Variants in TRPM3 observed in about 807,000 individuals in gnomAD.
The protein encoded by TRPM3 is long transient receptor potential channel 3.
Under a neutral mutation model 181.2 loss-of-function variants are expected in TRPM3, and 77 were observed. The observed-to-expected ratio is 0.42, with a 90% CI of 0.35 to 0.51. TRPM3 has a LOEUF of 0.51. Among genes scored for constraint, TRPM3 ranks in the 20% least tolerant of loss-of-function variants. The pLI, the probability that TRPM3 is intolerant of heterozygous loss-of-function variation, is 0.01. For synonymous variants in TRPM3, 745 were observed against 796.4 expected (o/e 0.94, Z 1.09); for missense variants, 1,759 against 2,196.7 (o/e 0.80, Z 3.98).
intron 14 of TRPM3, among the ~76,000 whole-genome samples, chr9:70,621,795 A>G (rs2063677793): frequency 6.6e-6 from 1 of 152,194 alleles, no homozygotes; most frequent in African/African-American, 2.4e-5. Context: ...AGAATTTTGG[A>G]TTCGGTGATT....
In TRPM3 at chr9:70,918,650, C is replaced by T. The variant is rs190812775; in HGVS notation, c.178-54139G>A. Among the ~76,000 whole-genome samples, 7 of 152,064 alleles carry T rather than the reference C, an allele frequency of 4.6e-5. No homozygotes were observed. In the East Asian group the frequency reaches 1.4e-3, roughly 29 times the overall value. On this transcript the variant is annotated intron_variant, in intron 1 of 25. Transcript: ENST00000677713. Reference sequence around the variant, plus strand: ...AGGGGGAAATTTATACCTTTAAACGCCTATGTCAAAAAAGAAGAAAAACTT... The same window carrying T: ...AGGGGGAAATTTATACCTTTAAACGTCTATGTCAAAAAAGAAGAAAAACTT...
At chr9:70,568,651 G>GTAAATT (rs1229169070) in intron 22 of TRPM3, among the ~76,000 whole-genome samples, 1 of 152,112 alleles carries the variant, frequency 6.6e-6, no homozygotes, top group Non-Finnish European at 1.5e-5. Flanking sequence ...AACACAAATA[G>GTAAATT]GCAAGTAACT....
chr9:70,830,876 G>C (rs933004837), intron 5 of TRPM3, among the ~76,000 whole-genome samples: 2 of 152,056 alleles, frequency 1.3e-5, no homozygotes, highest in Non-Finnish European at 2.9e-5. Context: ...TTCCTTCTCC[G>C]GCTCTGCTCT....
intron 22 of TRPM3, among the ~76,000 whole-genome samples, chr9:70,589,772 G>A (rs938468836): frequency 6.6e-6 from 1 of 152,160 alleles, no homozygotes; most frequent in Non-Finnish European, 1.5e-5. Context: ...CTTAGATAAC[G>A]CATTTTGAGA....
rs1033847361 is a variant in TRPM3 at position 70,535,404 on chromosome 9, T to C, written c.*549A>G. The C allele has an allele frequency of 6.5e-7, 1 of 1,550,348 alleles. No individual in the cohort carries two copies. The highest frequency in any genetic ancestry group is 1.2e-5 in the South Asian group (1 of 84,036). On this transcript the variant is annotated 3_prime_UTR_variant, in exon 26 of 26. Transcript: ENST00000677713. ...GTTGGCATGAGAAGGATGTGGGACGTTAGGTAGAACTGCTTGCTGCCGGCT... is the reference window on the plus strand; with the variant it reads ...GTTGGCATGAGAAGGATGTGGGACGCTAGGTAGAACTGCTTGCTGCCGGCT...
At chr9:70,619,121 T>G in intron 16 of TRPM3, 26 bp from the exon 17 acceptor site, 2 of 1,591,500 alleles carry the variant, frequency 1.3e-6, no homozygotes, top group Non-Finnish European at 1.7e-6. Context: ...GGTGGAAGAG[T>G]CCTTCAGGTC....
chr9:71,248,624 AGGT>A (rs2132007097), intron 1 of TRPM3, among the ~76,000 whole-genome samples: 1 of 152,316 alleles, frequency 6.6e-6, no homozygotes, highest in South Asian at 2.1e-4. Flanking sequence ...AACTGATTTA[AGGT>A]GGCCAGAGGA....
At chr9:71,388,417 T>C (rs2092979504) in intron 1 of TRPM3, among the ~76,000 whole-genome samples, 1 of 152,158 alleles carries the variant, frequency 6.6e-6, no homozygotes, top group Non-Finnish European at 1.5e-5. Flanking sequence ...CCACAAATCA[T>C]TCCCCACAAA....
At chr9:71,148,230 C>T (rs942565850) in intron 1 of TRPM3, among the ~76,000 whole-genome samples, 5 of 152,096 alleles carry the variant, frequency 3.3e-5, no homozygotes, top group Non-Finnish European at 7.4e-5. Flanking sequence ...CTTTTAAAAT[C>T]AGCTAAAGTT....
intron 1 of TRPM3, among the ~76,000 whole-genome samples, chr9:71,075,686 C>T (rs1290328167): frequency 2.0e-5 from 3 of 152,266 alleles, no homozygotes; most frequent in African/African-American, 7.2e-5. Context: ...CAATAGATAC[C>T]TGGGCCATTT....
intron 1 of TRPM3, among the ~76,000 whole-genome samples, chr9:71,181,625 ATATAAT>A (rs949207270): frequency 1.3e-5 from 2 of 152,136 alleles, no homozygotes; most frequent in African/African-American, 4.8e-5. Flanking sequence ...GAGGTAAATA[ATATAAT>A]TATTACATTC....
chr9:71,026,499 T>A (rs1044031076), intron 1 of TRPM3, among the ~76,000 whole-genome samples: 2 of 152,128 alleles, frequency 1.3e-5, no homozygotes, highest in African/African-American at 2.4e-5. Flanking sequence ...CCACCCACAT[T>A]GTTTTCCTGG....
chr9:70,666,261 G>A (rs2061831637), intron 9 of TRPM3, among the ~76,000 whole-genome samples: 1 of 152,162 alleles, frequency 6.6e-6, no homozygotes, highest in African/African-American at 2.4e-5. Context: ...CTAAGCTCCT[G>A]GGGGCAGAAC....
At chr9:70,985,412 G>C (rs1191376394) in intron 1 of TRPM3, among the ~76,000 whole-genome samples, 2 of 152,168 alleles carry the variant, frequency 1.3e-5, no homozygotes, top group African/African-American at 2.4e-5. Flanking sequence ...CAAAATTCTA[G>C]AGAAGGCAAC....
At chr9:70,876,616 A>G (rs2095873321) in intron 1 of TRPM3, among the ~76,000 whole-genome samples, 1 of 151,916 alleles carries the variant, frequency 6.6e-6, no homozygotes, top group South Asian at 2.1e-4. Flanking sequence ...TGGAAACATG[A>G]CTTTTTTTCC....
At chr9:70,862,215 T>A (rs1589338103) in intron 3 of TRPM3, among the ~76,000 whole-genome samples, 1 of 152,278 alleles carries the variant, frequency 6.6e-6, no homozygotes, top group East Asian at 1.9e-4. Flanking sequence ...TCTAGAATTT[T>A]CATAACACAT....
intron 9 of TRPM3, among the ~76,000 whole-genome samples, chr9:70,647,023 C>A (rs2058975118): frequency 6.6e-6 from 1 of 151,996 alleles, no homozygotes; most frequent in Non-Finnish European, 1.5e-5. Context: ...AGAGCAATAG[C>A]AAGTTCTGAA....
chr9:71,206,259 T>C (rs778735718), intron 1 of TRPM3, among the ~76,000 whole-genome samples: 72 of 152,210 alleles, frequency 4.7e-4, no homozygotes, highest in Non-Finnish European at 9.3e-4. Flanking sequence ...CAGTATCTGT[T>C]GTTTCCTGAC....
intron 1 of TRPM3, among the ~76,000 whole-genome samples, chr9:71,408,097 G>T (rs2093471687): frequency 6.6e-6 from 1 of 152,126 alleles, no homozygotes; most frequent in South Asian, 2.1e-4. Context: ...CCATCTGTAG[G>T]TTACCATTGT....
Sources: allele counts gnomAD v4.1 joint callset (sites outside exome capture counted in the v4.1 genomes callset), GRCh38; gene constraint gnomAD v4.1.1; transcripts MANE v1.5; gene names NCBI Gene and HGNC (gene_info 2026-07-23, HGNC 2026-07-21).